Variants in TRNT1 observed in about 807,000 individuals in gnomAD.
The protein encoded by TRNT1 is CCA tRNA nucleotidyltransferase 1, mitochondrial.
Under a neutral mutation model 45.6 loss-of-function variants are expected in TRNT1, and 44 were observed. The ratio of observed to expected loss-of-function variants is 0.97; its 90% CI spans 0.76 to 1.24. The LOEUF (loss-of-function observed/expected upper bound fraction) is 1.24. TRNT1 is among the 50% of genes most tolerant of loss of function. The pLI is 0.00. For missense variants in TRNT1, 633 were observed against 504.4 expected (o/e 1.25, Z -2.44); for synonymous variants, 201 against 171.4 (o/e 1.17, Z -1.35).
chr3:3,147,689 G>T lies in TRNT1; in HGVS notation c.1042G>T (p.Asp348Tyr). 1 of 1,612,110 alleles carries T rather than the reference G, an allele frequency of 6.2e-7. No individual in the cohort carries two copies. The highest frequency in any genetic ancestry group is 1.3e-5 in the African/African-American group (1 of 74,834). The stretch of plus-strand genomic sequence containing the variant: ...TTCAGACCCATTGAAACCCTATCAA[G>T]ACTTCATTATAGATGTAAGTATATA... ...DSSDPLKPYQ[D>Y]FIIDSREPDA... Residue 348 changes from aspartate (D) to tyrosine (Y), a missense_variant, in exon 7 of 8, where the codon GAC becomes TAC. By Grantham distance (160) the Asp-to-Tyr change is radical (BLOSUM62 -3). Coordinates refer to ENST00000251607, the MANE Select transcript of TRNT1 (RefSeq NM_182916.3).
downstream of TRNT1, chr3:3,150,606 G>A (rs2126046411): frequency 1.0e-5 from 4 of 385,668 alleles, no homozygotes; most frequent in South Asian, 7.8e-5. Context: ...AGACATATCA[G>A]ATTCCACAGG....
rs149125154 is a variant in TRNT1, at chr3:3,138,257, C to T, written c.342+804C>T. On this transcript the variant is annotated intron_variant, in intron 3 of 7. Transcript: ENST00000251607. ...TCTGAAAATGTTTTTATTTCACCTC[C>T]ATGGTGGTTTGATAGTTACGGTTAT... Among the ~76,000 whole-genome samples the T allele has an allele frequency of 1.5e-3, 230 of 152,284 alleles. 1 individual carries two copies. Among genetic ancestry groups the T allele is most frequent in the African/African-American group, 5.4e-3 (223 of 41,550 alleles).
chr3:3,144,641 A>T lies in TRNT1; in HGVS notation c.539A>T (p.Lys180Ile). The T allele has an allele frequency of 6.3e-7, 1 of 1,586,422 alleles. No individual in the cohort carries two copies. The highest frequency in any genetic ancestry group is 2.3e-5 in the East Asian group (1 of 44,274). Residue 180 changes from lysine (K) to isoleucine (I), a missense_variant, in exon 5 of 8, where the codon AAA becomes ATA. Coordinates refer to ENST00000251607, the MANE Select transcript of TRNT1 (RefSeq NM_182916.3). ...GGTTATGAAGATTTAAAAAATAAGA[A>T]AGTTAGATTTGTTGGACATGCTAAA... ...FNGYEDLKNK[K>I]VRFVGHAKQR...
At chr3:3,141,374 T>C (rs1167499679) in intron 4 of TRNT1, among the ~76,000 whole-genome samples, 2 of 152,194 alleles carry the variant, frequency 1.3e-5, no homozygotes, top group Non-Finnish European at 2.9e-5. Flanking sequence ...TTCTTTTTCC[T>C]TTGCACTATC....
chr3:3,147,989 G>C lies in TRNT1; in HGVS notation c.1140G>C (p.Gln380His), dbSNP rs756630458. 1 of 1,613,912 alleles carries C rather than the reference G, an allele frequency of 6.2e-7. No individual in the cohort carries two copies. Among genetic ancestry groups the C allele is most frequent in the African/African-American group, 1.3e-5 (1 of 74,936 alleles). The change falls in exon 8 of 8, where the codon CAG becomes CAC. Residue 380 changes from glutamine (Q) to histidine (H), a missense_variant. Transcript: ENST00000251607. Reference protein sequence around the residue: ...GEHCLLKEMQQWSIPPFPVSG... With the variant: ...GEHCLLKEMQHWSIPPFPVSG... ...ACTGTCTCCTAAAGGAAATGCAGCA[G>C]TGGTCCATTCCTCCATTTCCTGTAA... is the stretch of plus-strand genomic sequence containing the variant.
intron 2 of TRNT1, chr3:3,131,248 G>A (rs1220718051): frequency 6.6e-6 from 1 of 152,146 alleles, no homozygotes; most frequent in Non-Finnish European, 1.5e-5. Flanking sequence ...GTGATTTTGG[G>A]TTGAGTTGAA....
rs530303317 is a variant in TRNT1 at position 3,137,775 on chromosome 3, G to A, written c.342+322G>A. Reference sequence around the variant, plus strand: ...CCACACCCTTCTCAACAACAAGCACGTATAATTCTCCTTCTTCTGTCTTCC... The same window carrying A: ...CCACACCCTTCTCAACAACAAGCACATATAATTCTCCTTCTTCTGTCTTCC... On this transcript the variant is annotated intron_variant, in intron 3 of 7. Transcript: ENST00000251607. 3.9e-5 allele frequency among the ~76,000 whole-genome samples: 6 copies of A among 152,268 alleles called. No individual in the cohort carries two copies. In the South Asian group the frequency reaches 6.2e-4, roughly 16 times the overall value.
At chr3:3,138,913 G>T (rs1445830467) in intron 3 of TRNT1, among the ~76,000 whole-genome samples, 4 of 152,122 alleles carry the variant, frequency 2.6e-5, no homozygotes, top group African/African-American at 4.8e-5. Flanking sequence ...GGGCTTTATT[G>T]TAGTTTTGCA....
chr3:3,143,169 G>A (rs1705764204), intron 4 of TRNT1, among the ~76,000 whole-genome samples: 1 of 151,982 alleles, frequency 6.6e-6, no homozygotes. Flanking sequence ...TCTGTGTTTC[G>A]GCTCTAAATT....
chr3:3,139,970 C>T (rs1214779306), intron 3 of TRNT1, among the ~76,000 whole-genome samples: 1 of 152,208 alleles, frequency 6.6e-6, no homozygotes, highest in Non-Finnish European at 1.5e-5. Flanking sequence ...CTCAAGTCAT[C>T]TGCCTGCCTT....
intron 2 of TRNT1, among the ~76,000 whole-genome samples, chr3:3,133,863 C>T (rs1466931509): frequency 1.3e-5 from 2 of 152,058 alleles, no homozygotes; most frequent in African/African-American, 4.8e-5. Flanking sequence ...CACTCACTGC[C>T]CCTTACCCCA....
chr3:3,130,717 T>C lies in TRNT1; in HGVS notation c.148+1529T>C, dbSNP rs534125547. The stretch of plus-strand genomic sequence containing the variant: ...CTAATTTAATCCAATATATCTAAGA[T>C]ACTATCAGTATGAATTTTGTATAAA... On this transcript the variant is annotated intron_variant, in intron 2 of 7. Transcript: ENST00000251607. 5.4e-5 allele frequency: 8 copies of C among 148,812 alleles called. No homozygotes were observed. The South Asian group carries it at 1.7e-3, about 31-fold the overall frequency. 9.2% of individuals were successfully genotyped at this position (148,812 alleles called of 1,614,324 possible).
downstream of TRNT1, chr3:3,149,352 A>C (rs919897045): frequency 6.6e-6 from 1 of 152,142 alleles, no homozygotes; most frequent in Non-Finnish European, 1.5e-5. Context: ...TCTGTATAGA[A>C]AGTATGCAGA....
At chr3:3,130,332 A>T (rs60884103) in intron 2 of TRNT1, 18,336 of 204,920 alleles carry the variant, frequency 0.089, 2,991 homozygotes, top group East Asian at 0.7. Context: ...GTTAATTCTG[A>T]TGCACAGAAG....
chr3:3,138,497 G>T (rs181454727), intron 3 of TRNT1, among the ~76,000 whole-genome samples: 1 of 152,208 alleles, frequency 6.6e-6, no homozygotes, highest in Non-Finnish European at 1.5e-5. Context: ...CACTTACTGT[G>T]CAGGGCACTT....
At chr3:3,129,704 G>A (rs894731420) in intron 2 of TRNT1, among the ~76,000 whole-genome samples, 2 of 152,230 alleles carry the variant, frequency 1.3e-5, no homozygotes, top group African/African-American at 4.8e-5. Flanking sequence ...TCTGTATGCT[G>A]TGCTAAGTAC....
In TRNT1 at chr3:3,147,738, G is replaced by A. The variant is rs201792639; in HGVS notation, c.1056+35G>A. On this transcript the variant is annotated intron_variant, in intron 7 of 7. Transcript: ENST00000251607. Reference sequence around the variant, plus strand: ...TACTAGGCTTGGTCAGAAATATGAAGTATCGTCACGAATTTAGAATTAATT... The same window carrying A: ...TACTAGGCTTGGTCAGAAATATGAAATATCGTCACGAATTTAGAATTAATT... 43 of 1,558,694 alleles carry A rather than the reference G, an allele frequency of 2.8e-5. No homozygotes were observed. In the African/African-American group the frequency reaches 3.7e-4, roughly 14 times the overall value.
At chr3:3,137,104 T>A (rs779350965) in intron 2 of TRNT1, among the ~76,000 whole-genome samples, 156 bp from the exon 3 acceptor site, 5 of 152,224 alleles carry the variant, frequency 3.3e-5, no homozygotes, top group Non-Finnish European at 5.9e-5. Flanking sequence ...TCTTTTTACT[T>A]CTTTGGGCCT....
chr3:3,148,348 A>ATCACTGAAATGTACAGTTCT lies in TRNT1; in HGVS notation c.*196_*215dup, dbSNP rs1232246559. ...ATCCACCTTTCTGGATCTGATTTAT[A>ATCACTGAAATGTACAGTTCT]TCACTGAAATGTACAGTTCTTTTGG... On this transcript the variant is annotated 3_prime_UTR_variant, in exon 8 of 8. Transcript: ENST00000251607. 16 of 553,108 alleles carry ATCACTGAAATGTACAGTTCT rather than the reference A, an allele frequency of 2.9e-5. No individual in the cohort carries two copies. Among genetic ancestry groups the ATCACTGAAATGTACAGTTCT allele is most frequent in the Non-Finnish European group, 4.7e-5 (15 of 319,586 alleles). The allele number at this position is 553,108 out of a possible 1,614,324, so 34.3% of individuals were successfully genotyped here. A position where few individuals can be genotyped will look rare whatever the true frequency, so the allele number is the denominator to read the frequency against.
Sources: gnomAD v4.1 joint callset for allele counts (sites outside exome capture counted in the v4.1 genomes callset) on GRCh38, gnomAD v4.1.1 for gene constraint, MANE v1.5 for transcripts, NCBI Gene and HGNC (gene_info 2026-07-23, HGNC 2026-07-21) for gene names.